Variants in DQX1 observed in about 807,000 individuals in gnomAD.
DQX1 encodes DEAQ-box RNA dependent ATPase 1, also known as ATP-dependent RNA helicase homolog DQX1.
A neutral mutation model predicts 81.3 loss-of-function variants in DQX1; 66 were observed. That is an observed-to-expected ratio of 0.81 (90% CI 0.67 to 1.00). The LOEUF (loss-of-function observed/expected upper bound fraction) is 1.00, where lower values mean the gene tolerates loss of function less well. Ranked by LOEUF, DQX1 falls within the 50% of genes least tolerant of loss-of-function variation. DQX1 has a pLI of 0.00. For missense variants in DQX1, 798 were observed against 867.9 expected, an observed-to-expected ratio of 0.92 and a Z score of 1.01; for synonymous variants, 290 against 350.0, an observed-to-expected ratio of 0.83 and a Z score of 1.91.
chr2:74,518,522 TC>T lies in DQX1; in HGVS notation c.2077del (p.Glu693LysfsTer74). ...ESRDLLNQLR[E>X]GMADSTAGSK... is the part of the protein sequence containing the mutation. ...CCCTGCTGTAGAATCTGCCATTCCT[TC>T]CCTTAGCTGGTTCAGAAGGTCTCTG... On this transcript the variant is annotated frameshift_variant, in exon 12 of 12. Coordinates refer to ENST00000404568, the MANE Select transcript of DQX1 (RefSeq NM_133637.3). LOFTEE classifies it high-confidence loss of function. 1 of 1,614,196 alleles carries T rather than the reference TC, an allele frequency of 6.2e-7. No homozygotes were observed. Among genetic ancestry groups the T allele is most frequent in the East Asian group, 2.2e-5 (1 of 44,890 alleles).
chr2:74,520,447 T>C (rs1326330644), intron 8 of DQX1, among the ~76,000 whole-genome samples: 2 of 152,188 alleles, frequency 1.3e-5, no homozygotes, highest in African/African-American at 4.8e-5. Context: ...GAGTATGTTT[T>C]AGACTGTGGC....
rs775225024 is a variant in DQX1, at chr2:74,523,207, A to G, written c.1056T>C (p.Pro352=). The G allele has an allele frequency of 2.5e-6, 4 of 1,614,130 alleles. No homozygotes were observed. Among genetic ancestry groups the G allele is most frequent in the Middle Eastern group, 3.3e-4 (2 of 6,062 alleles). Reference sequence around the variant, plus strand: ...ACACTTGGAATTCTGCTCGGATCCTAGGATTGTAAACCTGTTGCCCGTCCC... The same window carrying G: ...ACACTTGGAATTCTGCTCGGATCCTGGGATTGTAAACCTGTTGCCCGTCCC... The part of the protein sequence containing the change: ...SGLELRSVYN[P]RIRAEFQVLR... The change falls in exon 6 of 12, where the codon CCT becomes CCC. Residue 352 remains proline, a synonymous_variant. Coordinates refer to ENST00000404568, the MANE Select transcript of DQX1 (RefSeq NM_133637.3).
At position 74,525,014 on chromosome 2, in the gene DQX1, C is replaced by G; in HGVS notation, c.426G>C (p.Leu142=). The change falls in exon 3 of 12, where the codon CTG becomes CTC. Residue 142 remains leucine, a synonymous_variant. Transcript: ENST00000404568. This position sits in a 1 kb window ranked among gnomAD's most constrained non-coding sequence, Gnocchi z 4.1. Reference sequence around the variant, plus strand: ...AGGCCTGCAGAGGCCCCCACCTGAGCAGGGTGTTGGGCCCCGTGCAGTCCT... The same window carrying G: ...AGGCCTGCAGAGGCCCCCACCTGAGGAGGGTGTTGGGCCCCGTGCAGTCCT... ...PQEDCTGPNT[L]LRFCWDRLLL... is the part of the protein sequence containing the mutation. 1 of 1,613,254 alleles carries G rather than the reference C, an allele frequency of 6.2e-7. No individual in the cohort carries two copies. Among genetic ancestry groups the G allele is most frequent in the Non-Finnish European group, 8.5e-7 (1 of 1,179,432 alleles).
rs1183105950 is a variant in DQX1 at position 74,525,338 on chromosome 2, C to T, written c.238-136G>A. On this transcript the variant is annotated intron_variant, in intron 2 of 11. Transcript: ENST00000404568. This position sits in a 1 kb window ranked among gnomAD's most constrained non-coding sequence, Gnocchi z 4.1. ...GTCTTTCACCAGCCTCCAGGGCCAA[C>T]CTAACCCATCCCATCTCTCTTCGTT... 8.0e-7 allele frequency: 1 copy of T among 1,246,006 alleles called. No individual in the cohort carries two copies. The highest frequency in any genetic ancestry group is 1.1e-6 in the Non-Finnish European group (1 of 910,506). 77.2% of individuals were successfully genotyped at this position (1,246,006 alleles called of 1,614,324 possible). A position where few individuals can be genotyped will look rare whatever the true frequency, so the allele number is the denominator to read the frequency against.
Position 74,522,786 on chromosome 2 carries a change from G to C in DQX1, c.1304-15C>G. 6.2e-7 allele frequency: 1 copy of C among 1,613,876 alleles called. No homozygotes were observed. Among genetic ancestry groups the C allele is most frequent in the Non-Finnish European group, 8.5e-7 (1 of 1,179,814 alleles). The stretch of plus-strand genomic sequence containing the variant: ...TGCTTCTGGAGCTGGTGAGGAAACA[G>C]GGCTTACAGGATATGAAGTTTCAGA... On this transcript the variant is annotated splice_polypyrimidine_tract_variant and intron_variant, in intron 7 of 11. Transcript: ENST00000404568.
In DQX1 at chr2:74,518,381, G is replaced by A. The variant is rs571842202; in HGVS notation, c.*65C>T. 1.1e-5 allele frequency: 18 copies of A among 1,567,826 alleles called. No homozygotes were observed. The highest frequency in any genetic ancestry group is 1.5e-5 in the Non-Finnish European group (17 of 1,149,472). Reference sequence around the variant, plus strand: ...CTTCTAAATCTGTCTGGGTGCTTTGGTGTCACCCTGAGGGATAATCTAATG... The same window carrying A: ...CTTCTAAATCTGTCTGGGTGCTTTGATGTCACCCTGAGGGATAATCTAATG... On this transcript the variant is annotated 3_prime_UTR_variant, in exon 12 of 12. Transcript: ENST00000404568.
Position 74,518,149 on chromosome 2 carries a change from C to A in DQX1, c.*297G>T, listed in dbSNP as rs952066093. ...CTAAAACTTGGCATCATAGAAAAATCTTTTATAGATCACAAGGGAGTACAA... is the reference window on the plus strand; with the variant it reads ...CTAAAACTTGGCATCATAGAAAAATATTTTATAGATCACAAGGGAGTACAA... On this transcript the variant is annotated 3_prime_UTR_variant, in exon 12 of 12. Coordinates refer to ENST00000404568, the MANE Select transcript of DQX1 (RefSeq NM_133637.3). 5 of 295,478 alleles carry A rather than the reference C, an allele frequency of 1.7e-5. No individual in the cohort carries two copies. The highest frequency in any genetic ancestry group is 3.1e-5 in the Non-Finnish European group (5 of 160,030). The allele number at this position is 295,478 out of a possible 1,614,324, so 18.3% of individuals were successfully genotyped here.
intron 4 of DQX1, 115 bp from the exon 5 acceptor site, chr2:74,523,652 C>T: frequency 9.4e-7 from 1 of 1,063,766 alleles, no homozygotes; most frequent in Non-Finnish European, 1.3e-6. Context: ...ATGCAAATTA[C>T]TCATAAAGTT....
Position 74,524,312 on chromosome 2 carries a change from T to G in DQX1, c.432-5A>C. The G allele has an allele frequency of 6.2e-7, 1 of 1,608,070 alleles. No individual in the cohort carries two copies. The highest frequency in any genetic ancestry group is 2.2e-5 in the East Asian group (1 of 44,820). On this transcript the variant is annotated splice_polypyrimidine_tract_variant and splice_region_variant and intron_variant, in intron 3 of 11. Transcript: ENST00000404568. ...AGCAGCCTGTCCCAGCAGAACCTGT[T>G]GACATTGGTAGTGGGCAGAGGAATC...
At chr2:74,522,450 TG>T in intron 8 of DQX1, 129 bp downstream of exon 8, 1 of 1,128,278 alleles carries the variant, frequency 8.9e-7, no homozygotes, top group Non-Finnish European at 1.3e-6. Context: ...TGACTAAGCC[TG>T]GTTCTTTAGG....
In DQX1 at chr2:74,518,230, A is replaced by G. The variant is rs1226517241; in HGVS notation, c.*216T>C. The G allele has an allele frequency of 1.9e-6, 1 of 517,862 alleles. No homozygotes were observed. The highest frequency in any genetic ancestry group is 1.9e-5 in the African/African-American group (1 of 52,570). The allele number at this position is 517,862 out of a possible 1,614,324, so 32.1% of individuals were successfully genotyped here. On this transcript the variant is annotated 3_prime_UTR_variant, in exon 12 of 12. Coordinates refer to ENST00000404568, the MANE Select transcript of DQX1 (RefSeq NM_133637.3). ...GAGCATGTCAGTCCCTCTCCAATCA[A>G]TAAGAGAAGGCTAAGGAAAGAGTCC...
intron 8 of DQX1, among the ~76,000 whole-genome samples, chr2:74,522,237 G>A (rs1039012616): frequency 1.3e-5 from 2 of 152,178 alleles, no homozygotes; most frequent in African/African-American, 4.8e-5. Context: ...TCACTGGCAT[G>A]GTAGACCTGA....
chr2:74,524,337 C>A, intron 3 of DQX1, 30 bp from the exon 4 acceptor site: 1 of 1,592,930 alleles, frequency 6.3e-7, no homozygotes, highest in Non-Finnish European at 8.5e-7. Flanking sequence ...GCAGAGGAAT[C>A]AGTGTGGACA....
At chr2:74,518,943 C>A in intron 11 of DQX1, 97 bp downstream of exon 11, 3 of 1,248,596 alleles carry the variant, frequency 2.4e-6, no homozygotes, top group Non-Finnish European at 3.3e-6. Flanking sequence ...TTTTACTAAC[C>A]ACTAAGATCC....
In DQX1 at chr2:74,519,176, C is replaced by T. The variant is rs1674962545; in HGVS notation, c.1861G>A (p.Val621Met). 1.2e-6 allele frequency: 2 copies of T among 1,611,406 alleles called. No individual in the cohort carries two copies. The highest frequency in any genetic ancestry group is 1.7e-6 in the Non-Finnish European group (2 of 1,178,694). Residue 621 changes from valine to methionine, a missense_variant, in exon 11 of 12, where the codon GTG becomes ATG. Coordinates refer to ENST00000404568, the MANE Select transcript of DQX1 (RefSeq NM_133637.3). ...GNYLLLTHKH[V>M]AQLSSYCCYR... The stretch of plus-strand genomic sequence containing the variant: ...CAGCAGTATGAGGAGAGCTGGGCCA[C>T]ATGCTTATGGGTTAGGAGAAGGTAA...
rs1046133176 is a variant in DQX1 at position 74,525,329 on chromosome 2, C to T, written c.238-127G>A. 17 of 1,263,884 alleles carry T rather than the reference C, an allele frequency of 1.3e-5. No individual in the cohort carries two copies. In the African/African-American group the frequency reaches 1.5e-4, roughly 11 times the overall value. The allele number at this position is 1,263,884 out of a possible 1,614,324, so 78.3% of individuals were successfully genotyped here. A position where few individuals can be genotyped will look rare whatever the true frequency, so the allele number is the denominator to read the frequency against. ...AGTCCCCTGGTCTTTCACCAGCCTCCAGGGCCAACCTAACCCATCCCATCT... is the reference window on the plus strand; with the variant it reads ...AGTCCCCTGGTCTTTCACCAGCCTCTAGGGCCAACCTAACCCATCCCATCT... On this transcript the variant is annotated intron_variant, in intron 2 of 11. Transcript: ENST00000404568. This position sits in a 1 kb window ranked among gnomAD's most constrained non-coding sequence, Gnocchi z 4.1.
At position 74,523,469 on chromosome 2, in the gene DQX1, T is replaced by G; in HGVS notation, c.885A>C (p.Pro295=). 6.2e-7 allele frequency: 1 copy of G among 1,613,778 alleles called. No homozygotes were observed. Among genetic ancestry groups the G allele is most frequent in the South Asian group, 1.1e-5 (1 of 91,072 alleles). ...VESLLLQGLP[P]RVLPLHPDCG... is the part of the protein sequence containing the mutation. ...AGTCTGGGTGAAGGGGCAGTACTCG[T>G]GGTGGAAGCCCTTGGAGAAGCAAGG... The change falls in exon 5 of 12, where the codon CCA becomes CCC. Residue 295 remains proline (P), a synonymous_variant. Coordinates refer to ENST00000404568, the MANE Select transcript of DQX1 (RefSeq NM_133637.3).
rs759749434 is a variant in DQX1, at chr2:74,523,236, A to G, written c.1045-18T>C. Reference sequence around the variant, plus strand: ...TTGTAAACCTGTTGCCCGTCCCCCAACCAAGGCCAAGACAGATCAGAGTGG... The same window carrying G: ...TTGTAAACCTGTTGCCCGTCCCCCAGCCAAGGCCAAGACAGATCAGAGTGG... On this transcript the variant is annotated intron_variant, in intron 5 of 11. Coordinates refer to ENST00000404568, the MANE Select transcript of DQX1 (RefSeq NM_133637.3). The G allele has an allele frequency of 5.6e-6, 9 of 1,613,952 alleles. No homozygotes were observed. The highest frequency in any genetic ancestry group is 4.0e-5 in the African/African-American group (3 of 74,866).
intron 8 of DQX1, 84 bp downstream of exon 8, chr2:74,522,496 A>G: frequency 6.7e-7 from 1 of 1,498,822 alleles, no homozygotes; most frequent in Non-Finnish European, 9.0e-7. Flanking sequence ...CAGAGAGGAA[A>G]GGGCTAGCCT....
Sources: gnomAD v4.1 joint callset for allele counts (sites outside exome capture counted in the v4.1 genomes callset) on GRCh38, gnomAD v4.1.1 for gene constraint, Gnocchi (gnomAD v3.1) non-coding constraint, MANE v1.5 for transcripts, NCBI Gene and HGNC (gene_info 2026-07-23, HGNC 2026-07-21) for gene names.